Variants in WWOX observed in about 807,000 individuals in gnomAD.
WWOX encodes the protein WW domain-containing oxidoreductase.
In WWOX, 69 loss-of-function variants were observed where a neutral mutation model predicts 46.2. The ratio of observed to expected loss-of-function variants is 1.49; its 90% CI spans 1.23 to 1.82. The LOEUF is 1.82. Ranked by LOEUF, WWOX falls within the 40% of genes most tolerant of loss-of-function variation. The pLI, the probability that WWOX is intolerant of heterozygous loss-of-function variation, is 0.00. For missense variants in WWOX, 919 were observed against 542.6 expected (o/e 1.69, Z -6.89); for synonymous variants, 359 against 202.6 (o/e 1.77, Z -6.56).
At chr16:78,177,853 G>A (rs905049121) in intron 5 of WWOX, among the ~76,000 whole-genome samples, 1 of 152,220 alleles carries the variant, frequency 6.6e-6, no homozygotes, top group Non-Finnish European at 1.5e-5. Flanking sequence ...GAGCAGAAAA[G>A]GACGAGACGG....
intron 8 of WWOX, among the ~76,000 whole-genome samples, chr16:78,663,261 A>G (rs773369751): frequency 2.6e-5 from 4 of 152,180 alleles, no homozygotes; most frequent in Admixed American, 6.6e-5. Context: ...TACGTGGCCA[A>G]CTGACTTCTT....
intron 8 of WWOX, among the ~76,000 whole-genome samples, chr16:78,588,466 G>A (rs1033763457): frequency 6.6e-6 from 1 of 152,190 alleles, no homozygotes; most frequent in Admixed American, 6.5e-5. Context: ...AATCTGCCCT[G>A]TTTGGGCTCT....
At chr16:78,976,485 C>T (rs1020750088) in intron 8 of WWOX, among the ~76,000 whole-genome samples, 2 of 152,188 alleles carry the variant, frequency 1.3e-5, no homozygotes, top group African/African-American at 4.8e-5. Context: ...GCTGACTGAG[C>T]AAGTAATTTC....
At chr16:79,130,396 C>G (rs1272300051) in intron 8 of WWOX, among the ~76,000 whole-genome samples, 5 of 152,066 alleles carry the variant, frequency 3.3e-5, no homozygotes, top group Admixed American at 6.5e-5. Context: ...ATTATAGGCA[C>G]AAAAGACAGT....
At chr16:78,713,136 G>A (rs915324430) in intron 8 of WWOX, among the ~76,000 whole-genome samples, 5 of 151,820 alleles carry the variant, frequency 3.3e-5, no homozygotes, top group African/African-American at 1.2e-4. Context: ...GCTGGGCATG[G>A]TGGTGCCTAC....
In WWOX at chr16:78,420,581, G is replaced by C. The variant is rs371840960; in HGVS notation, c.606-4289G>C. On this transcript the variant is annotated intron_variant, in intron 6 of 8. Coordinates refer to ENST00000566780, the MANE Select transcript of WWOX (RefSeq NM_016373.4). ...ATGTCCGGAATAGGCGAATCTATAG[G>C]ACAGAAAGTACACTGATGGTGTTTT... is the stretch of plus-strand genomic sequence containing the variant. Among the ~76,000 whole-genome samples the C allele has an allele frequency of 2.6e-4, 40 of 151,496 alleles. 1 individual carries two copies. The highest frequency in any genetic ancestry group is 9.2e-4 in the African/African-American group (38 of 41,200).
intron 8 of WWOX, among the ~76,000 whole-genome samples, chr16:79,132,146 A>ACG (rs1158779729): frequency 6.6e-6 from 1 of 151,294 alleles, no homozygotes; most frequent in Non-Finnish European, 1.5e-5. Context: ...ACACACACAC[A>ACG]CACACACACA....
intron 5 of WWOX, chr16:78,270,690 A>C (rs1352878922): frequency 6.6e-6 from 1 of 152,242 alleles, no homozygotes; most frequent in African/African-American, 2.4e-5. Flanking sequence ...GAAGAGGGTG[A>C]ACGTGTAGAC....
At chr16:78,513,122 T>C (rs1455291041) in intron 8 of WWOX, among the ~76,000 whole-genome samples, 2 of 152,230 alleles carry the variant, frequency 1.3e-5, no homozygotes, top group Non-Finnish European at 2.9e-5. Context: ...TTTCATTCTC[T>C]CCGTTGGTCA....
chr16:78,733,720 A>C (rs2049018995), intron 8 of WWOX, among the ~76,000 whole-genome samples: 1 of 151,998 alleles, frequency 6.6e-6, no homozygotes, highest in African/African-American at 2.4e-5. Flanking sequence ...ATGCCACTGC[A>C]CTCCAGCCTG....
At chr16:78,781,756 C>T (rs538200934) in intron 8 of WWOX, among the ~76,000 whole-genome samples, 3 of 152,252 alleles carry the variant, frequency 2.0e-5, no homozygotes, top group Admixed American at 6.5e-5. Flanking sequence ...GTCTGGGCAA[C>T]AGAGCGAGGC....
At chr16:78,842,130 C>T (rs899896266) in intron 8 of WWOX, among the ~76,000 whole-genome samples, 1 of 152,232 alleles carries the variant, frequency 6.6e-6, no homozygotes, top group East Asian at 1.9e-4. Flanking sequence ...CAATGTATCT[C>T]TTAAAGTAAT....
intron 8 of WWOX, among the ~76,000 whole-genome samples, chr16:78,643,182 A>G (rs1245257838): frequency 6.6e-6 from 1 of 152,218 alleles, no homozygotes; most frequent in East Asian, 1.9e-4. Context: ...TAATATTTGC[A>G]GCATGTCTTG....
rs578232076 is a variant in WWOX at position 78,199,238 on chromosome 16, A to G, written c.516+34949A>G. On this transcript the variant is annotated intron_variant, in intron 5 of 8. Coordinates refer to ENST00000566780, the MANE Select transcript of WWOX (RefSeq NM_016373.4). The stretch of plus-strand genomic sequence containing the variant: ...TGAGGCAGGAGAATCACTTGAACCC[A>G]GGAGGCGGAGGTTGCAGTGAGCCCA... 2.0e-5 allele frequency among the ~76,000 whole-genome samples: 3 copies of G among 151,982 alleles called. No homozygotes were observed. The South Asian group carries it at 6.2e-4, about 32-fold the overall frequency.
intron 8 of WWOX, among the ~76,000 whole-genome samples, chr16:79,136,911 C>G (rs545969886): frequency 1.3e-5 from 2 of 152,304 alleles, no homozygotes; most frequent in African/African-American, 4.8e-5. Flanking sequence ...CTGCAGGAGG[C>G]AGTAGATCAA....
Position 78,567,386 on chromosome 16 carries a change from A to G in WWOX, c.1056+134634A>G, listed in dbSNP as rs1597279150. On this transcript the variant is annotated intron_variant, in intron 8 of 8. Transcript: ENST00000566780. ...CCGTAAAACCCCGTCTCTACTAAAA[A>G]TACAAAAAAAAAAAAAATTAGCCCG... Among the ~76,000 whole-genome samples, 5 of 148,848 alleles carry G rather than the reference A, an allele frequency of 3.4e-5. No homozygotes were observed. In the South Asian group the frequency reaches 1.0e-3, roughly 31 times the overall value.
At chr16:78,509,921 C>CT (rs1224322791) in intron 8 of WWOX, among the ~76,000 whole-genome samples, 1 of 42,630 alleles carries the variant, frequency 2.3e-5, no homozygotes, top group Admixed American at 4.2e-4. Flanking sequence ...GACCTCATCT[C>CT]TTTAAAAAAA....
At chr16:78,492,463 A>G (rs377526820) in intron 8 of WWOX, among the ~76,000 whole-genome samples, 16 of 152,226 alleles carry the variant, frequency 1.1e-4, no homozygotes, top group African/African-American at 3.6e-4. Context: ...TCAGCATCCA[A>G]TCCACATTGG....
At chr16:78,839,719 G>A (rs548693858) in intron 8 of WWOX, among the ~76,000 whole-genome samples, 2 of 152,220 alleles carry the variant, frequency 1.3e-5, no homozygotes, top group Non-Finnish European at 2.9e-5. Flanking sequence ...TACATCCCTG[G>A]TGATGTTCCT....
Sources: allele counts gnomAD v4.1 joint callset (sites outside exome capture counted in the v4.1 genomes callset), GRCh38; gene constraint gnomAD v4.1.1; transcripts MANE v1.5; gene names NCBI Gene and HGNC (gene_info 2026-07-23, HGNC 2026-07-21).